The following TMEM38B variants were observed in gnomAD, a reference collection of about 807,000 sequenced individuals.
The protein encoded by TMEM38B is transmembrane protein 38B, also known as trimeric intracellular cation channel type B.
In TMEM38B, 24 loss-of-function variants were observed where a neutral mutation model predicts 28.7. The ratio of observed to expected loss-of-function variants is 0.84; its 90% confidence interval spans 0.61 to 1.18. The LOEUF (loss-of-function observed/expected upper bound fraction) is 1.18. TMEM38B is among the 50% of genes most tolerant of loss of function. The probability of loss-of-function intolerance (pLI) is 0.00; values close to 1 mark genes in which losing one functional copy is unlikely to be tolerated. For missense variants in TMEM38B, 380 were observed against 350.9 expected (o/e 1.08, Z -0.66); for synonymous variants, 131 against 127.7 (o/e 1.03, Z -0.17).
intron 5 of TMEM38B, among the ~76,000 whole-genome samples, chr9:105,752,648 C>T (rs1043653335): frequency 6.6e-6 from 1 of 152,106 alleles, no homozygotes; most frequent in Non-Finnish European, 1.5e-5. Flanking sequence ...AAAAAGGCCC[C>T]ACAAAAACCC....
In TMEM38B at chr9:105,774,099, A is replaced by G. The variant is rs752817923; in HGVS notation, c.*19A>G. On this transcript the variant is annotated 3_prime_UTR_variant, in exon 6 of 6. Transcript: ENST00000374692. Reference sequence around the variant, plus strand: ...TGAATAAATTTACGTGATGAGCTCTACAAGGCCAAAAATTTTTTTTCTTAT... The same window carrying G: ...TGAATAAATTTACGTGATGAGCTCTGCAAGGCCAAAAATTTTTTTTCTTAT... 10 of 1,605,508 alleles carry G rather than the reference A, an allele frequency of 6.2e-6. No homozygotes were observed. Among genetic ancestry groups the G allele is most frequent in the Middle Eastern group, 1.7e-4 (1 of 6,000 alleles).
chr9:105,764,981 G>A (rs3105994), intron 5 of TMEM38B, among the ~76,000 whole-genome samples: 149,471 of 152,298 alleles, frequency 0.98, 73,360 homozygotes, highest in East Asian at 1. Flanking sequence ...AGCAATGGGG[G>A]AAGGATTCCC....
At chr9:105,740,473 C>T (rs1442931782) in intron 4 of TMEM38B, among the ~76,000 whole-genome samples, 1 of 151,686 alleles carries the variant, frequency 6.6e-6, no homozygotes, top group African/African-American at 2.4e-5. Flanking sequence ...CACCAGGTTG[C>T]CCAGGCTGGT....
At chr9:105,722,871 C>G (rs552969038) in intron 4 of TMEM38B, among the ~76,000 whole-genome samples, 1 of 152,084 alleles carries the variant, frequency 6.6e-6, no homozygotes, top group East Asian at 1.9e-4. Context: ...AAACAAAAAC[C>G]TCTAGATTAT....
At chr9:105,709,436 A>C (rs538637878) in intron 2 of TMEM38B, among the ~76,000 whole-genome samples, 13 of 152,354 alleles carry the variant, frequency 8.5e-5, no homozygotes, top group Non-Finnish European at 1.5e-4. Flanking sequence ...AATTATATTA[A>C]GATATGAATG....
At chr9:105,705,209 A>G (rs767133358) in intron 1 of TMEM38B, among the ~76,000 whole-genome samples, 1 of 152,164 alleles carries the variant, frequency 6.6e-6, no homozygotes, top group Non-Finnish European at 1.5e-5. Context: ...ATTTTCCAAT[A>G]TACTTAAGAT....
At chr9:105,704,928 TAAA>T (rs771753189) in intron 1 of TMEM38B, among the ~76,000 whole-genome samples, 1 of 141,454 alleles carries the variant, frequency 7.1e-6, no homozygotes, top group Admixed American at 7.1e-5. Context: ...TATCTCAAAG[TAAA>T]AAAAAAAAAG....
chr9:105,751,942 G>C (rs551912917), intron 5 of TMEM38B, among the ~76,000 whole-genome samples: 26 of 152,306 alleles, frequency 1.7e-4, no homozygotes, highest in Middle Eastern at 3.4e-3. Flanking sequence ...GTAGCTCTCA[G>C]GGGGAGGAGT....
At chr9:105,712,448 G>A (rs781619666) in intron 2 of TMEM38B, among the ~76,000 whole-genome samples, 5 of 152,062 alleles carry the variant, frequency 3.3e-5, no homozygotes, top group Non-Finnish European at 5.9e-5. Context: ...AGAGCCAGTC[G>A]ATTTGCAGTT....
intron 5 of TMEM38B, among the ~76,000 whole-genome samples, chr9:105,752,650 CA>C (rs1428557423): frequency 1.3e-5 from 2 of 152,144 alleles, no homozygotes; most frequent in East Asian, 3.9e-4. Context: ...AAAGGCCCCA[CA>C]AAAACCCCAT....
At chr9:105,732,441 G>T (rs1412963167) in intron 4 of TMEM38B, among the ~76,000 whole-genome samples, 1 of 152,272 alleles carries the variant, frequency 6.6e-6, no homozygotes, top group African/African-American at 2.4e-5. Context: ...TATGGTTTTA[G>T]GTCTAACATT....
chr9:105,772,746 A>T (rs1826595463), intron 5 of TMEM38B, among the ~76,000 whole-genome samples: 1 of 152,128 alleles, frequency 6.6e-6, no homozygotes, highest in East Asian at 1.9e-4. Flanking sequence ...TAGTACTCTC[A>T]CAATGTTGTG....
At position 105,774,245 on chromosome 9, in the gene TMEM38B, A is replaced by G. The variant is rs1166295773; in HGVS notation, c.*165A>G. On this transcript the variant is annotated 3_prime_UTR_variant, in exon 6 of 6. Transcript: ENST00000374692. ...TTTGAGGGAGACTTCCCCTTTCTGG[A>G]TTGTATTTGTAGAGTGTTACGAGTG... 3.3e-6 allele frequency: 2 copies of G among 614,580 alleles called. No homozygotes were observed. Among genetic ancestry groups the G allele is most frequent in the African/African-American group, 3.7e-5 (2 of 54,000 alleles). 38.1% of individuals were successfully genotyped at this position (614,580 alleles called of 1,614,324 possible).
intron 1 of TMEM38B, among the ~76,000 whole-genome samples, chr9:105,703,756 G>T (rs1433026015): frequency 3.9e-5 from 6 of 151,922 alleles, no homozygotes; most frequent in Non-Finnish European, 8.8e-5. Flanking sequence ...GGTGTGAGAT[G>T]GTATCTCATT....
At chr9:105,738,258 G>T (rs1481456576) in intron 4 of TMEM38B, among the ~76,000 whole-genome samples, 1 of 152,080 alleles carries the variant, frequency 6.6e-6, no homozygotes, top group African/African-American at 2.4e-5. Context: ...GGGTGTTCAC[G>T]GTGGTGGTGA....
chr9:105,768,311 A>G (rs1401918401), intron 5 of TMEM38B, among the ~76,000 whole-genome samples: 2 of 152,032 alleles, frequency 1.3e-5, no homozygotes, highest in African/African-American at 2.4e-5. Flanking sequence ...TCCTTTTTGC[A>G]TATTACTGAA....
chr9:105,696,374 T>C (rs2133539585), intron 1 of TMEM38B, among the ~76,000 whole-genome samples: 1 of 152,268 alleles, frequency 6.6e-6, no homozygotes, highest in Middle Eastern at 3.4e-3. Context: ...CTGCAACCTG[T>C]GCCTCCTGGG....
chr9:105,766,391 C>T (rs1002034278), intron 5 of TMEM38B, among the ~76,000 whole-genome samples: 6 of 152,146 alleles, frequency 3.9e-5, no homozygotes, highest in Admixed American at 3.3e-4. Context: ...CGTGTGTTTA[C>T]TGGCCACTCA....
chr9:105,707,930 A>C (rs1299153519), intron 2 of TMEM38B, among the ~76,000 whole-genome samples: 4 of 152,216 alleles, frequency 2.6e-5, no homozygotes. Flanking sequence ...TTTAAAAGTT[A>C]TTAGCATTTT....
Sources: gnomAD v4.1 joint callset for allele counts (sites outside exome capture counted in the v4.1 genomes callset) on GRCh38, gnomAD v4.1.1 for gene constraint, MANE v1.5 for transcripts, NCBI Gene and HGNC (gene_info 2026-07-23, HGNC 2026-07-21) for gene names.